The following KHDRBS2 variants were observed in gnomAD, a reference collection of about 807,000 sequenced individuals.
KHDRBS2 encodes KH domain-containing, RNA-binding, signal transduction-associated protein 2.
A neutral mutation model predicts 44.3 loss-of-function variants in KHDRBS2; 26 were observed. That is an observed-to-expected ratio of 0.59 (90% confidence interval 0.43 to 0.81). KHDRBS2 has a LOEUF of 0.81. Ranked by LOEUF, KHDRBS2 falls within the 40% of genes least tolerant of loss-of-function variation. KHDRBS2 has a pLI of 0.00. For synonymous variants in KHDRBS2, 194 were observed against 151.1 expected (o/e 1.28, Z -2.08); for missense variants, 476 against 433.1 (o/e 1.10, Z -0.88).
In KHDRBS2 at chr6:61,717,296, A is replaced by G. The variant is rs1771605661; in HGVS notation, c.893+15386T>C. Among the ~76,000 whole-genome samples the G allele has an allele frequency of 2.0e-5, 3 of 152,066 alleles. No individual in the cohort carries two copies. The South Asian group carries it at 6.2e-4, about 31-fold the overall frequency. ...ACACATTGTTTCTTTCCTAAAACTA[A>G]CAGTGGTTCTCTGAAGTGCCTAAAA... On this transcript the variant is annotated intron_variant, in intron 7 of 8. Transcript: ENST00000281156.
chr6:61,781,807 G>A (rs1782975711), intron 6 of KHDRBS2, among the ~76,000 whole-genome samples: 1 of 152,150 alleles, frequency 6.6e-6, no homozygotes, highest in African/African-American at 2.4e-5. Context: ...TCTCCAGGGA[G>A]ATAGAGAAGA....
rs562218892 is a variant in KHDRBS2 at position 61,697,595 on chromosome 6, G to A, written c.894-342C>T. Among the ~76,000 whole-genome samples, 56 of 152,202 alleles carry A rather than the reference G, an allele frequency of 3.7e-4. No individual in the cohort carries two copies. The South Asian group carries it at 0.011, about 30-fold the overall frequency. On this transcript the variant is annotated intron_variant, in intron 7 of 8. Transcript: ENST00000281156. ...AAGTGCTCTCTAAGATGACAATCTG[G>A]TCAATCATGTATAGCTTTTAATGCT...
At chr6:61,957,480 G>C (rs1346775633) in intron 4 of KHDRBS2, among the ~76,000 whole-genome samples, 1 of 150,632 alleles carries the variant, frequency 6.6e-6, no homozygotes, top group Non-Finnish European at 1.5e-5. Flanking sequence ...ATGCGTCCCT[G>C]AGGGGAGGTC....
intron 6 of KHDRBS2, among the ~76,000 whole-genome samples, chr6:61,882,625 A>C (rs187070867): frequency 6.6e-6 from 1 of 152,040 alleles, no homozygotes; most frequent in Non-Finnish European, 1.5e-5. Flanking sequence ...TCTTGAGATT[A>C]TTACAAGTTA....
intron 4 of KHDRBS2, among the ~76,000 whole-genome samples, chr6:61,933,513 C>G (rs1289868063): frequency 3.9e-5 from 6 of 152,138 alleles, no homozygotes; most frequent in Non-Finnish European, 8.8e-5. Flanking sequence ...ATTCTGAGAA[C>G]TATGCCATTA....
intron 3 of KHDRBS2, among the ~76,000 whole-genome samples, chr6:62,046,645 T>C (rs1329281462): frequency 6.6e-6 from 1 of 151,938 alleles, no homozygotes; most frequent in Admixed American, 6.6e-5. Context: ...TTTTCTCCTC[T>C]TATATAAAGA....
At chr6:61,747,709 T>C (rs1035357901) in intron 6 of KHDRBS2, among the ~76,000 whole-genome samples, 2 of 152,182 alleles carry the variant, frequency 1.3e-5, no homozygotes, top group African/African-American at 4.8e-5. Flanking sequence ...GCATTTTTAA[T>C]TGTTTTGGTA....
At position 61,864,315 on chromosome 6, in the gene KHDRBS2, A is replaced by G. The variant is rs551328027; in HGVS notation, c.810+30320T>C. On this transcript the variant is annotated intron_variant, in intron 6 of 8. Transcript: ENST00000281156. ...GTTATATGTGGATTTGATCCTGTCAACATGATGCAAGGTGGTTATTTTTCA... is the reference window on the plus strand; with the variant it reads ...GTTATATGTGGATTTGATCCTGTCAGCATGATGCAAGGTGGTTATTTTTCA... 4.3e-4 allele frequency among the ~76,000 whole-genome samples: 65 copies of G among 152,240 alleles called. No homozygotes were observed. The Middle Eastern group carries it at 0.014, about 32-fold the overall frequency.
At chr6:61,545,720 G>A in the KHDRBS2 span, among the ~76,000 whole-genome samples, 5 of 152,086 alleles carry the variant, frequency 3.3e-5, no homozygotes, top group East Asian at 1.9e-4. Flanking sequence ...CTATGTTGAA[G>A]CTCTATTTCC....
At chr6:62,037,017 C>T (rs563401078) in intron 3 of KHDRBS2, among the ~76,000 whole-genome samples, 59 of 151,934 alleles carry the variant, frequency 3.9e-4, no homozygotes, top group African/African-American at 1.3e-3. Flanking sequence ...ATTCTTATGC[C>T]CCAGATTATT....
intron 2 of KHDRBS2, among the ~76,000 whole-genome samples, chr6:62,165,375 G>T (rs1818470942): frequency 6.8e-6 from 1 of 147,174 alleles, no homozygotes; most frequent in Non-Finnish European, 1.5e-5. Flanking sequence ...TTGTCTTACT[G>T]GTTATCTCTC....
the KHDRBS2 span, among the ~76,000 whole-genome samples, chr6:61,643,834 T>C: frequency 0.59 from 89,827 of 151,978 alleles, 26,763 homozygotes; most frequent in African/African-American, 0.61. Flanking sequence ...ACACATTCCA[T>C]GCTCATGGAT....
chr6:61,952,525 G>C (rs917965237), intron 4 of KHDRBS2, among the ~76,000 whole-genome samples: 42 of 152,002 alleles, frequency 2.8e-4, no homozygotes, highest in African/African-American at 9.2e-4. Context: ...TAGTGCAAAA[G>C]TAATTGTTGG....
At chr6:61,766,403 CT>C (rs1047843679) in intron 6 of KHDRBS2, among the ~76,000 whole-genome samples, 71 of 151,810 alleles carry the variant, frequency 4.7e-4, no homozygotes, top group African/African-American at 1.7e-3. Flanking sequence ...CCAATTTTAT[CT>C]TTTCCAAAAA....
At chr6:62,142,011 A>C (rs1348072649) in intron 2 of KHDRBS2, among the ~76,000 whole-genome samples, 3 of 152,112 alleles carry the variant, frequency 2.0e-5, no homozygotes, top group Non-Finnish European at 4.4e-5. Context: ...GTAGAGGAAC[A>C]AAATTTAACT....
intron 4 of KHDRBS2, among the ~76,000 whole-genome samples, chr6:61,927,786 C>T (rs906560478): frequency 2.6e-5 from 4 of 152,010 alleles, no homozygotes; most frequent in African/African-American, 9.7e-5. Flanking sequence ...CCCATCTGTT[C>T]CATAGAAAAT....
At chr6:62,078,015 C>A (rs555473766) in intron 2 of KHDRBS2, among the ~76,000 whole-genome samples, 3 of 151,974 alleles carry the variant, frequency 2.0e-5, no homozygotes, top group South Asian at 2.1e-4. Context: ...AAAATGCACA[C>A]GTAGCATCAT....
intron 2 of KHDRBS2, among the ~76,000 whole-genome samples, chr6:62,117,806 C>A (rs767390974): frequency 6.6e-6 from 1 of 151,734 alleles, no homozygotes; most frequent in Admixed American, 6.6e-5. Context: ...GATGGAGTCT[C>A]GCTCTGTCAC....
At chr6:62,199,865 T>C (rs1214649112) in intron 1 of KHDRBS2, among the ~76,000 whole-genome samples, 1 of 152,136 alleles carries the variant, frequency 6.6e-6, no homozygotes, top group Non-Finnish European at 1.5e-5. Flanking sequence ...CAAAACAGCA[T>C]GGTACTGGTA....
Sources: gnomAD v4.1 joint callset for allele counts (sites outside exome capture counted in the v4.1 genomes callset) on GRCh38, gnomAD v4.1.1 for gene constraint, MANE v1.5 for transcripts, NCBI Gene and HGNC (gene_info 2026-07-23, HGNC 2026-07-21) for gene names.